Variants in WDFY4 observed in about 807,000 individuals in gnomAD.
The protein encoded by WDFY4 is WDFY family member 4, also known as WD repeat- and FYVE domain-containing protein 4.
WDFY4 carries 169 observed loss-of-function variants against 351.9 expected under a neutral mutation model. The ratio of observed to expected loss-of-function variants is 0.48; its 90% CI spans 0.42 to 0.55. WDFY4 has a LOEUF of 0.55. Ranked by LOEUF, WDFY4 falls within the 20% of genes least tolerant of loss-of-function variation. The probability of loss-of-function intolerance (pLI) is 0.00; values close to 1 mark genes in which losing one functional copy is unlikely to be tolerated. For synonymous variants in WDFY4, 1,622 were observed against 1,574.6 expected, an observed-to-expected ratio of 1.03 and a Z score of -0.71; for missense variants, 3,803 against 3,935.6, an observed-to-expected ratio of 0.97 and a Z score of 0.90.
At chr10:48,687,903 T>C (rs1304236516) in intron 1 of WDFY4, among the ~76,000 whole-genome samples, 1 of 151,984 alleles carries the variant, frequency 6.6e-6, no homozygotes, top group Non-Finnish European at 1.5e-5. Context: ...TGCCTCAGCC[T>C]CTCCAGTAGC....
At chr10:48,716,236 T>C (rs1168412695) in intron 2 of WDFY4, among the ~76,000 whole-genome samples, 1 of 152,122 alleles carries the variant, frequency 6.6e-6, no homozygotes. Flanking sequence ...GGAGTAATAA[T>C]GACATTTTGT....
chr10:48,777,880 T>G (rs1028225830), intron 17 of WDFY4, among the ~76,000 whole-genome samples: 1 of 152,228 alleles, frequency 6.6e-6, no homozygotes, highest in African/African-American at 2.4e-5. Flanking sequence ...AGCCTATAGC[T>G]AGGGACTCAA....
intron 61 of WDFY4, 50 bp from the exon 62 acceptor site, chr10:48,982,459 C>A (rs911801055): frequency 2.2e-5 from 31 of 1,437,968 alleles, no homozygotes; most frequent in Non-Finnish European, 2.9e-5. Flanking sequence ...CTGGCGGGGA[C>A]AAGTGGTACT....
chr10:48,954,798 T>C (rs567284063), intron 51 of WDFY4, among the ~76,000 whole-genome samples: 1 of 152,374 alleles, frequency 6.6e-6, no homozygotes, highest in African/African-American at 2.4e-5. Flanking sequence ...ATACATTTAT[T>C]AATATAGCAA....
At chr10:48,753,493 T>C (rs967531951) in intron 12 of WDFY4, among the ~76,000 whole-genome samples, 20 of 152,218 alleles carry the variant, frequency 1.3e-4, no homozygotes, top group Admixed American at 1.3e-4. Flanking sequence ...AAAATTTTGT[T>C]TTGGCTCTTA....
chr10:48,981,138 T>C (rs772090397), intron 60 of WDFY4, among the ~76,000 whole-genome samples: 7 of 152,234 alleles, frequency 4.6e-5, no homozygotes, highest in Non-Finnish European at 7.3e-5. Flanking sequence ...ACACAATGGA[T>C]ACCGAGGCAC....
chr10:48,920,939 A>G (rs549245815), intron 47 of WDFY4, among the ~76,000 whole-genome samples: 3 of 152,336 alleles, frequency 2.0e-5, no homozygotes, highest in African/African-American at 4.8e-5. Flanking sequence ...TTTCACATAA[A>G]TAACCAAAAT....
chr10:48,758,781 G>T (rs2065409563), intron 12 of WDFY4, among the ~76,000 whole-genome samples: 1 of 152,024 alleles, frequency 6.6e-6, no homozygotes, highest in South Asian at 2.1e-4. Context: ...GAAACTTTCT[G>T]TTTTTCATTT....
chr10:48,809,425 A>G (rs987739987), intron 28 of WDFY4, among the ~76,000 whole-genome samples: 2 of 144,028 alleles, frequency 1.4e-5, no homozygotes, highest in Non-Finnish European at 1.5e-5. Flanking sequence ...TCACCACAAC[A>G]TTAATCACCA....
intron 32 of WDFY4, among the ~76,000 whole-genome samples, chr10:48,819,069 C>A (rs908042093): frequency 6.6e-6 from 1 of 152,242 alleles, no homozygotes; most frequent in Admixed American, 6.5e-5. Flanking sequence ...CGAGTGCCCC[C>A]GCCAGCAGCC....
intron 20 of WDFY4, among the ~76,000 whole-genome samples, chr10:48,787,887 TCTTCTCCTTCTTCTTCTTCTTCTTCTTC>T (rs2066490692): frequency 7.6e-5 from 6 of 78,716 alleles, no homozygotes; most frequent in African/African-American, 5.3e-4. Context: ...TCTTTCTTCT[TCTTCTCCTTCTTCTTCTTCTTCTTCTTC>T]TTCTTCTTCT....
At chr10:48,869,582 G>A (rs1468246567) in intron 40 of WDFY4, among the ~76,000 whole-genome samples, 1 of 150,892 alleles carries the variant, frequency 6.6e-6, no homozygotes, top group Non-Finnish European at 1.5e-5. Context: ...ACAAAAAGTT[G>A]CCTCTACAGT....
In WDFY4 at chr10:48,775,694, C is replaced by T; in HGVS notation, c.2769-18C>T. The T allele has an allele frequency of 6.5e-7, 1 of 1,548,384 alleles. No individual in the cohort carries two copies. The highest frequency in any genetic ancestry group is 1.2e-5 in the South Asian group (1 of 83,902). Reference sequence around the variant, plus strand: ...TAGTAAAATGTCTTCATTTTTTCCTCTTGTATGTTATGTTCAGACAGTTTC... The same window carrying T: ...TAGTAAAATGTCTTCATTTTTTCCTTTTGTATGTTATGTTCAGACAGTTTC... On this transcript the variant is annotated intron_variant, in intron 14 of 61. Transcript: ENST00000325239.
intron 12 of WDFY4, among the ~76,000 whole-genome samples, chr10:48,756,169 C>T (rs1184681932): frequency 6.6e-6 from 1 of 151,936 alleles, no homozygotes; most frequent in East Asian, 1.9e-4. Context: ...ACATAGTGTG[C>T]TTTTCTGTTT....
At chr10:48,836,830 G>A (rs1018735861) in intron 39 of WDFY4, among the ~76,000 whole-genome samples, 1 of 152,122 alleles carries the variant, frequency 6.6e-6, no homozygotes, top group African/African-American at 2.4e-5. Context: ...CAGGGTGCAG[G>A]CCACTTTCTC....
At chr10:48,687,301 C>A (rs182567704) in intron 1 of WDFY4, among the ~76,000 whole-genome samples, 2 of 151,820 alleles carry the variant, frequency 1.3e-5, no homozygotes, top group Non-Finnish European at 1.5e-5. Flanking sequence ...TTTGTTGGTG[C>A]CTTGTCTCCT....
intron 9 of WDFY4, among the ~76,000 whole-genome samples, chr10:48,733,697 T>C (rs559410815): frequency 6.6e-6 from 1 of 152,318 alleles, no homozygotes; most frequent in African/African-American, 2.4e-5. Flanking sequence ...GGACCCAGCA[T>C]GGGGCTCCGG....
chr10:48,755,588 A>C (rs2065313413), intron 12 of WDFY4, among the ~76,000 whole-genome samples: 1 of 152,162 alleles, frequency 6.6e-6, no homozygotes, highest in Non-Finnish European at 1.5e-5. Context: ...ATGAATGTCC[A>C]ATTCTTCCAA....
At position 48,811,640 on chromosome 10, in the gene WDFY4, G is replaced by A. The variant is rs745873072; in HGVS notation, c.5146G>A (p.Glu1716Lys). The A allele has an allele frequency of 2.3e-5, 36 of 1,551,796 alleles. No homozygotes were observed. The highest frequency in any genetic ancestry group is 3.1e-5 in the Non-Finnish European group (36 of 1,147,066). ...TCTGGCCCACCACGTCCACATTCCA[G>A]AGGTCTACCTCATCGTCTCCACCTT... Reference protein sequence around the residue: ...DFLAHHVHIPEVYLIVSTFFL... With the variant: ...DFLAHHVHIPKVYLIVSTFFL... Residue 1716 changes from glutamate (E) to lysine (K), a missense_variant, in exon 30 of 62, where the codon GAG becomes AAG. This residue lies in a region of WDFY4 where 3,054 missense variants were observed against 3,148.6 expected (regional missense o/e 0.97). Transcript: ENST00000325239.
Sources: gnomAD v4.1 joint callset for allele counts (sites outside exome capture counted in the v4.1 genomes callset) on GRCh38, gnomAD v4.1.1 for gene constraint, gnomAD v4.1.1 regional missense constraint, MANE v1.5 for transcripts, NCBI Gene and HGNC (gene_info 2026-07-23, HGNC 2026-07-21) for gene names.